ACOT11: variants seen among roughly 807,000 people sequenced by gnomAD.
ACOT11 encodes acyl-coenzyme A thioesterase 11.
In ACOT11, 69 loss-of-function variants were observed where a neutral mutation model predicts 77.5. That is an observed-to-expected ratio of 0.89 (90% CI 0.73 to 1.09). The LOEUF is 1.09. ACOT11 is among the 50% of genes least tolerant of loss of function. The probability of loss-of-function intolerance (pLI) is 0.00; values close to 1 mark genes in which losing one functional copy is unlikely to be tolerated. For synonymous variants in ACOT11, 279 were observed against 313.0 expected (o/e 0.89, Z 1.15); for missense variants, 766 against 813.7 (o/e 0.94, Z 0.71).
intron 15 of ACOT11, among the ~76,000 whole-genome samples, chr1:54,625,048 C>T (rs1003044296): frequency 2.6e-5 from 4 of 151,924 alleles, no homozygotes; most frequent in Non-Finnish European, 5.9e-5. Context: ...AGGGATCCAA[C>T]GAGACCCAAG....
chr1:54,602,863 C>A, intron 10 of ACOT11, 139 bp downstream of exon 10: 2 of 943,714 alleles, frequency 2.1e-6, no homozygotes, highest in South Asian at 2.5e-5. Flanking sequence ...TCGTTTTGGT[C>A]TTATTACACA....
At chr1:54,562,878 C>T (rs1653589501) in intron 1 of ACOT11, among the ~76,000 whole-genome samples, 1 of 131,464 alleles carries the variant, frequency 7.6e-6, no homozygotes, top group Non-Finnish European at 1.6e-5. Flanking sequence ...TCCTCACTTC[C>T]TAGATGGGAT....
chr1:54,621,500 G>T (rs983649625), intron 15 of ACOT11: 4 of 152,158 alleles, frequency 2.6e-5, no homozygotes, highest in African/African-American at 9.7e-5. Context: ...AAAGATAAAA[G>T]ATTGGAAGAA....
intron 1 of ACOT11, among the ~76,000 whole-genome samples, chr1:54,562,923 G>C (rs1308170771): frequency 7.0e-5 from 10 of 142,474 alleles, no homozygotes; most frequent in East Asian, 4.1e-4. Flanking sequence ...ACTTTCCAGA[G>C]TGGGCAGCCA....
chr1:54,596,266 G>A (rs377283870), intron 6 of ACOT11, among the ~76,000 whole-genome samples: 1 of 152,144 alleles, frequency 6.6e-6, no homozygotes, highest in East Asian at 1.9e-4. Context: ...TTCCCCTCCT[G>A]TCTGCCCCCA....
At chr1:54,623,135 C>T in intron 15 of ACOT11, 1 of 602,680 alleles carries the variant, frequency 1.7e-6, no homozygotes, top group Non-Finnish European at 2.9e-6. Flanking sequence ...GAGAATCGTG[C>T]CATTGTACTC....
exon 17 of ACOT11, chr1:54,638,014 G>T (rs1644340420): frequency 6.6e-6 from 1 of 151,922 alleles, no homozygotes; most frequent in Non-Finnish European, 1.5e-5. Context: ...AAAATAGAGG[G>T]TCTCACTATG....
chr1:54,614,732 G>A (rs145581174), downstream of ACOT11: 887 of 1,613,986 alleles, frequency 5.5e-4, 1 homozygote, highest in Non-Finnish European at 7.0e-4. Context: ...AGATGAGCAT[G>A]TTGGGGCCCT....
At chr1:54,621,538 G>T (rs927542855) in intron 15 of ACOT11, 1 of 152,182 alleles carries the variant, frequency 6.6e-6, no homozygotes, top group South Asian at 2.1e-4. Flanking sequence ...GAATGGCCTC[G>T]AACTTTAGCA....
At chr1:54,562,233 TC>T (rs1653534971) in intron 1 of ACOT11, among the ~76,000 whole-genome samples, 1 of 80,344 alleles carries the variant, frequency 1.2e-5, no homozygotes, top group Non-Finnish European at 2.3e-5. Context: ...CCCCCCCACC[TC>T]CCTCCCGGAC....
At chr1:54,613,769 T>C (rs1644142808), downstream of ACOT11, among the ~76,000 whole-genome samples, 1 of 152,178 alleles carries the variant, frequency 6.6e-6, no homozygotes, top group Non-Finnish European at 1.5e-5. Flanking sequence ...CTTGGGCCAT[T>C]GATTACATTT....
intron 3 of ACOT11, among the ~76,000 whole-genome samples, chr1:54,591,253 G>C (rs1217121396): frequency 6.6e-6 from 1 of 152,220 alleles, no homozygotes; most frequent in Non-Finnish European, 1.5e-5. Context: ...TGTGGGCCAG[G>C]CCTGGCGCTT....
chr1:54,627,213 C>A (rs1644276901), intron 15 of ACOT11, among the ~76,000 whole-genome samples: 1 of 134,654 alleles, frequency 7.4e-6, no homozygotes, highest in Non-Finnish European at 1.7e-5. Flanking sequence ...CAGTTTGCAG[C>A]AGAAAGGGAT....
intron 1 of ACOT11, among the ~76,000 whole-genome samples, chr1:54,564,511 C>T (rs1225557401): frequency 6.6e-6 from 1 of 152,224 alleles, no homozygotes; most frequent in Non-Finnish European, 1.5e-5. Flanking sequence ...CTGTGCCAGA[C>T]GTGGACTCGG....
chr1:54,593,963 A>G lies in ACOT11; in HGVS notation c.395A>G (p.Glu132Gly). The change falls in exon 5 of 16, where the codon GAG becomes GGG. Residue 132 changes from glutamate to glycine, a missense_variant. Transcript: ENST00000343744. Reference protein sequence around the residue: ...SMEVGIQVASEDLCSEKQWNV... With the variant: ...SMEVGIQVASGDLCSEKQWNV... ...CAGGTGGGCATCCAGGTGGCCTCGGAGGACCTGTGCTCTGAGAAGCAGTGG... is the reference window on the plus strand; with the variant it reads ...CAGGTGGGCATCCAGGTGGCCTCGGGGGACCTGTGCTCTGAGAAGCAGTGG... 6.2e-7 allele frequency: 1 copy of G among 1,614,106 alleles called. No homozygotes were observed. Among genetic ancestry groups the G allele is most frequent in the South Asian group, 1.1e-5 (1 of 91,070 alleles).
At chr1:54,573,300 T>C (rs1653987262) in intron 1 of ACOT11, 1 of 940,880 alleles carries the variant, frequency 1.1e-6, no homozygotes, top group East Asian at 1.2e-4. Context: ...GCTCTGCCCT[T>C]TCCTGGCTGT....
intron 1 of ACOT11, among the ~76,000 whole-genome samples, chr1:54,579,025 CACTT>C (rs752764786): frequency 1.6e-4 from 24 of 152,278 alleles, no homozygotes; most frequent in Non-Finnish European, 2.5e-4. Flanking sequence ...AGTGTGAACA[CACTT>C]AGTAGCTAAA....
intron 1 of ACOT11, among the ~76,000 whole-genome samples, chr1:54,573,912 C>T (rs1258539915): frequency 1.3e-5 from 2 of 151,878 alleles, no homozygotes; most frequent in Non-Finnish European, 2.9e-5. Context: ...GCCTGTAATC[C>T]CAGCTACTCA....
intron 10 of ACOT11, among the ~76,000 whole-genome samples, chr1:54,603,635 C>G (rs1428702800): frequency 6.6e-6 from 1 of 152,146 alleles, no homozygotes; most frequent in Non-Finnish European, 1.5e-5. Context: ...GCCTTAGACG[C>G]CATACCCTTC....
Sources: gnomAD v4.1 joint callset for allele counts (sites outside exome capture counted in the v4.1 genomes callset) on GRCh38, gnomAD v4.1.1 for gene constraint, MANE v1.5 for transcripts, NCBI Gene and HGNC (gene_info 2026-07-23, HGNC 2026-07-21) for gene names.